The following AFF1 variants were observed in gnomAD, a reference collection of about 807,000 sequenced individuals.
AFF1 encodes AF4/FMR2 family member 1.
A neutral mutation model predicts 121.7 loss-of-function variants in AFF1; 48 were observed. The ratio of observed to expected loss-of-function variants is 0.39; its 90% CI spans 0.31 to 0.50. The LOEUF is 0.50. AFF1 is among the 20% of genes least tolerant of loss of function. AFF1 has a pLI of 0.76. For synonymous variants in AFF1, 613 were observed against 563.0 expected (o/e 1.09, Z -1.26); for missense variants, 1,523 against 1,511.7 (o/e 1.01, Z -0.12).
In AFF1 at chr4:87,047,095, G is replaced by T; in HGVS notation, c.560G>T (p.Arg187Ile). ...GSSHHKKGDR[R>I]ADGDHCASVT... ...AGTCATCACAAGAAAGGTGACCGAAGAGCTGACGGAGACCACTGTGCTTCG... is the reference window on the plus strand; with the variant it reads ...AGTCATCACAAGAAAGGTGACCGAATAGCTGACGGAGACCACTGTGCTTCG... The change falls in exon 4 of 21, where the codon AGA (arginine) becomes ATA (isoleucine). Residue 187 changes from arginine to isoleucine, a missense_variant. By Grantham distance (97) the Arg-to-Ile change is moderately conservative. Around this residue, in one of 5 missense-constraint regions of AFF1, gnomAD observed 369 missense variants for 367.2 expected, o/e 1.00. Coordinates refer to ENST00000395146, the MANE Select transcript of AFF1 (RefSeq NM_001166693.3). 6.2e-7 allele frequency: 1 copy of T among 1,614,194 alleles called. No homozygotes were observed. The highest frequency in any genetic ancestry group is 8.5e-7 in the Non-Finnish European group (1 of 1,180,044).
intron 16 of AFF1, among the ~76,000 whole-genome samples, chr4:87,128,468 A>G (rs1216181601): frequency 6.6e-6 from 1 of 152,234 alleles, no homozygotes; most frequent in Non-Finnish European, 1.5e-5. Flanking sequence ...TCCTAAACCT[A>G]AATCCCCACA....
intron 11 of AFF1, among the ~76,000 whole-genome samples, chr4:87,109,598 G>A (rs1325395855): frequency 6.6e-6 from 1 of 152,126 alleles, no homozygotes; most frequent in Non-Finnish European, 1.5e-5. Context: ...TAAGATCTTT[G>A]CTTTATGTTT....
In AFF1 at chr4:87,127,670, G is replaced by A. The variant is rs770582428; in HGVS notation, c.2931G>A (p.Glu977=). Residue 977 remains glutamate (E), a synonymous_variant, in exon 16 of 21, where the codon GAG becomes GAA. Coordinates refer to ENST00000395146, the MANE Select transcript of AFF1 (RefSeq NM_001166693.3). ...AACAAGCAGACCTTCACATGAGGGA[G>A]GCAAAAAAGATGAAGCAGAAAGCAG... ...DKQQADLHMR[E]AKKMKQKAEL... is the part of the protein sequence containing the mutation. The A allele has an allele frequency of 2.5e-6, 4 of 1,613,946 alleles. No individual in the cohort carries two copies. The highest frequency in any genetic ancestry group is 3.4e-6 in the Non-Finnish European group (4 of 1,180,004).
chr4:87,050,211 T>A (rs1237800313), intron 4 of AFF1, among the ~76,000 whole-genome samples: 3 of 148,110 alleles, frequency 2.0e-5, no homozygotes, highest in African/African-American at 7.5e-5. Flanking sequence ...GGGGAAGCTG[T>A]CTCTTGGTAG....
chr4:86,997,902 G>A (rs1369946261), intron 2 of AFF1, among the ~76,000 whole-genome samples: 1 of 151,986 alleles, frequency 6.6e-6, no homozygotes, highest in East Asian at 1.9e-4. Context: ...CTCCAGACCA[G>A]CCTGGCCAAC....
chr4:86,996,571 A>G (rs924157977), intron 2 of AFF1, among the ~76,000 whole-genome samples: 12 of 151,196 alleles, frequency 7.9e-5, no homozygotes, highest in Admixed American at 7.3e-4. Context: ...TCAAGTACCC[A>G]GGGACACAAA....
Position 87,063,912 on chromosome 4 carries a change from T to C in AFF1, c.1059+16318T>C, listed in dbSNP as rs377076437. Reference sequence around the variant, plus strand: ...GAAGTCAGCAGAATCCCAAGAAATATCTTTGTGTTTTAGGTTGGTTTGCTG... The same window carrying C: ...GAAGTCAGCAGAATCCCAAGAAATACCTTTGTGTTTTAGGTTGGTTTGCTG... On this transcript the variant is annotated intron_variant, in intron 4 of 20. Coordinates refer to ENST00000395146, the MANE Select transcript of AFF1 (RefSeq NM_001166693.3). Among the ~76,000 whole-genome samples, 27 of 152,328 alleles carry C rather than the reference T, an allele frequency of 1.8e-4. No individual in the cohort carries two copies. The South Asian group carries it at 2.5e-3, about 14-fold the overall frequency.
intron 2 of AFF1, among the ~76,000 whole-genome samples, chr4:86,988,677 ATTAG>A (rs1724478738): frequency 6.6e-6 from 1 of 152,234 alleles, no homozygotes; most frequent in South Asian, 2.1e-4. Context: ...TCTTCACAGA[ATTAG>A]AAAAAACTAC....
intron 2 of AFF1, chr4:87,007,111 C>G: frequency 7.9e-7 from 1 of 1,261,672 alleles, no homozygotes; most frequent in Non-Finnish European, 1.0e-6. Context: ...GCGCCGGGGG[C>G]GCTCGCTTGC....
At chr4:87,010,565 A>G (rs1225748700) in intron 2 of AFF1, among the ~76,000 whole-genome samples, 1 of 152,220 alleles carries the variant, frequency 6.6e-6, no homozygotes, top group African/African-American at 2.4e-5. Flanking sequence ...AGACTATTTT[A>G]TAGAAGTATA....
intron 2 of AFF1, among the ~76,000 whole-genome samples, chr4:87,030,054 T>C (rs947431946): frequency 6.6e-6 from 1 of 152,134 alleles, no homozygotes; most frequent in Non-Finnish European, 1.5e-5. Flanking sequence ...TAAGGAGAAA[T>C]TGCTGTCACT....
intron 4 of AFF1, among the ~76,000 whole-genome samples, chr4:87,069,411 C>T (rs1283819431): frequency 6.8e-6 from 1 of 146,036 alleles, no homozygotes; most frequent in Admixed American, 6.9e-5. Flanking sequence ...TTCTGTCTCT[C>T]CCTCCCTCCC....
At chr4:86,970,594 T>G (rs1364984632) in intron 2 of AFF1, among the ~76,000 whole-genome samples, 2 of 152,180 alleles carry the variant, frequency 1.3e-5, no homozygotes, top group Non-Finnish European at 2.9e-5. Flanking sequence ...TGTGTATGGG[T>G]AAACATGTAT....
At chr4:87,009,074 A>AGCGC (rs1210933222) in intron 2 of AFF1, among the ~76,000 whole-genome samples, 2 of 152,240 alleles carry the variant, frequency 1.3e-5, no homozygotes, top group African/African-American at 4.8e-5. Context: ...ATTCAATGCC[A>AGCGC]GCGCTCTTAA....
At chr4:87,034,102 G>A (rs368809159) in intron 2 of AFF1, among the ~76,000 whole-genome samples, 4 of 152,180 alleles carry the variant, frequency 2.6e-5, no homozygotes, top group East Asian at 1.9e-4. Context: ...CTCTGGTGGC[G>A]GGGACTGGCT....
At chr4:87,052,794 G>A (rs1731407346) in intron 4 of AFF1, among the ~76,000 whole-genome samples, 1 of 151,998 alleles carries the variant, frequency 6.6e-6, no homozygotes, top group Non-Finnish European at 1.5e-5. Context: ...AAGTGGACAA[G>A]TTCTGGATCT....
At chr4:87,068,994 G>A (rs1721673097) in intron 4 of AFF1, among the ~76,000 whole-genome samples, 1 of 152,180 alleles carries the variant, frequency 6.6e-6, no homozygotes, top group Admixed American at 6.5e-5. Flanking sequence ...GTTCAGGTGG[G>A]GAGGATGGAG....
chr4:87,120,740 G>A (rs1439635769), intron 12 of AFF1, among the ~76,000 whole-genome samples: 1 of 152,134 alleles, frequency 6.6e-6, no homozygotes, highest in Non-Finnish European at 1.5e-5. Context: ...CTCCACTTTA[G>A]CTACTCCTGC....
intron 2 of AFF1, among the ~76,000 whole-genome samples, chr4:87,002,431 T>TG (rs1364316139): frequency 2.8e-5 from 4 of 142,704 alleles, no homozygotes; most frequent in Non-Finnish European, 4.6e-5. Context: ...TGAAGTTTTT[T>TG]TTTTTTTTTT....
Sources: gnomAD v4.1 joint callset for allele counts (sites outside exome capture counted in the v4.1 genomes callset) on GRCh38, gnomAD v4.1.1 for gene constraint, gnomAD v4.1.1 regional missense constraint, MANE v1.5 for transcripts, NCBI Gene and HGNC (gene_info 2026-07-23, HGNC 2026-07-21) for gene names.